The following RGS18 variants were observed in gnomAD, a reference collection of about 807,000 sequenced individuals.
RGS18 encodes the protein regulator of G protein signaling 18.
A neutral mutation model predicts 27.6 loss-of-function variants in RGS18; 22 were observed. The ratio of observed to expected loss-of-function variants is 0.80; its 90% CI spans 0.57 to 1.14. RGS18 has a LOEUF of 1.14. Ranked by LOEUF, RGS18 falls within the 50% of genes most tolerant of loss-of-function variation. The pLI is 0.00. For synonymous variants in RGS18, 89 were observed against 84.6 expected (o/e 1.05, Z -0.29); for missense variants, 299 against 269.6 (o/e 1.11, Z -0.76).
chr1:192,163,869 A>AT (rs67421126), intron 3 of RGS18, among the ~76,000 whole-genome samples: 37 of 137,520 alleles, frequency 2.7e-4, no homozygotes, highest in African/African-American at 8.3e-4. Flanking sequence ...ATATATATAT[A>AT]TTTTTTTTTT....
intron 3 of RGS18, among the ~76,000 whole-genome samples, chr1:192,170,465 C>T (rs998775204): frequency 1.3e-5 from 2 of 152,028 alleles, no homozygotes; most frequent in Non-Finnish European, 2.9e-5. Context: ...TGCCTTCCTC[C>T]GTGAGTAAAA....
Position 192,184,750 on chromosome 1 carries a change from T to C in RGS18, c.*196T>C. ...CAGTATATTCTGTAAAACCTTCTAT[T>C]TGATGTCATTCCATTTATAATCAGA... On this transcript the variant is annotated 3_prime_UTR_variant, in exon 5 of 5. Coordinates refer to ENST00000367460, the MANE Select transcript of RGS18 (RefSeq NM_130782.3). The C allele has an allele frequency of 2.0e-6, 1 of 506,766 alleles. No homozygotes were observed. The highest frequency in any genetic ancestry group is 3.5e-6 in the Non-Finnish European group (1 of 288,052). 31.4% of individuals were successfully genotyped at this position (506,766 alleles called of 1,614,324 possible).
At chr1:192,163,129 G>A (rs900663547) in intron 3 of RGS18, among the ~76,000 whole-genome samples, 7 of 152,104 alleles carry the variant, frequency 4.6e-5, no homozygotes, top group African/African-American at 1.7e-4. Context: ...AATGTTTTTA[G>A]CTCCAACAGA....
At position 192,159,284 on chromosome 1, in the gene RGS18, C is replaced by G. The variant is rs767577887; in HGVS notation, c.184C>G (p.Arg62Gly). ...VQKPEFHEDT[R>G]SSRSGHLAKE... is the part of the protein sequence containing the mutation. ...GAAACCTGAGTTTCATGAAGACACCCGCTCCAGTAGATCTGGGCACTTGGC... is the reference window on the plus strand; with the variant it reads ...GAAACCTGAGTTTCATGAAGACACCGGCTCCAGTAGATCTGGGCACTTGGC... Residue 62 changes from arginine to glycine, a missense_variant, in exon 2 of 5, where the codon CGC becomes GGC. Physicochemically the swap from Arg to Gly is moderately radical, Grantham distance 125. Transcript: ENST00000367460. 1.2e-6 allele frequency: 2 copies of G among 1,613,392 alleles called. No homozygotes were observed. Among genetic ancestry groups the G allele is most frequent in the Non-Finnish European group, 8.5e-7 (1 of 1,179,454 alleles).
intron 2 of RGS18, among the ~76,000 whole-genome samples, chr1:192,159,885 T>C (rs972526597): frequency 1.3e-5 from 2 of 152,216 alleles, no homozygotes; most frequent in South Asian, 4.1e-4. Flanking sequence ...TATTAAAATA[T>C]CTTATATTTC....
At chr1:192,175,660 C>A (rs1324280738) in intron 3 of RGS18, among the ~76,000 whole-genome samples, 4 of 151,866 alleles carry the variant, frequency 2.6e-5, no homozygotes, top group African/African-American at 9.7e-5. Flanking sequence ...CCCATAGCAT[C>A]TGTCTTCTTC....
Position 192,184,808 on chromosome 1 carries a change from CA to C in RGS18, c.*261del, listed in dbSNP as rs988171227. 4.5e-5 allele frequency: 17 copies of C among 376,420 alleles called. No individual in the cohort carries two copies. Among genetic ancestry groups the C allele is most frequent in the East Asian group, 2.7e-4 (6 of 22,148 alleles). The allele number at this position is 376,420 out of a possible 1,614,324, so 23.3% of individuals were successfully genotyped here. On this transcript the variant is annotated 3_prime_UTR_variant, in exon 5 of 5. Transcript: ENST00000367460. Reference sequence around the variant, plus strand: ...CTTATTTCTTAATCAAAAGGCAGTACAAAAAAAGTAATAATGTTTTATAAGA... The same window carrying C: ...CTTATTTCTTAATCAAAAGGCAGTACAAAAAAGTAATAATGTTTTATAAGA...
At chr1:192,177,734 A>T (rs898041624) in intron 3 of RGS18, among the ~76,000 whole-genome samples, 17 of 151,754 alleles carry the variant, frequency 1.1e-4, no homozygotes, top group Non-Finnish European at 2.2e-4. Context: ...ATGGATTTAG[A>T]ATAGGAAGGG....
intron 1 of RGS18, 87 bp from the exon 2 acceptor site, chr1:192,159,133 T>C (rs1045563965): frequency 6.8e-6 from 6 of 880,098 alleles, no homozygotes; most frequent in Middle Eastern, 4.4e-4. Flanking sequence ...CGTGGGTTTT[T>C]ACCAACTACA....
At chr1:192,159,038 A>C (rs1656023461) in intron 1 of RGS18, among the ~76,000 whole-genome samples, 182 bp from the exon 2 acceptor site, 1 of 152,154 alleles carries the variant, frequency 6.6e-6, no homozygotes, top group Non-Finnish European at 1.5e-5. Flanking sequence ...GGTGAGCAAA[A>C]GGAGAAACAT....
chr1:192,178,117 T>G (rs766228085), intron 3 of RGS18, among the ~76,000 whole-genome samples: 2 of 151,666 alleles, frequency 1.3e-5, no homozygotes, highest in Admixed American at 6.6e-5. Context: ...GGGGAATTTT[T>G]TTTTAAGATT....
rs1656028691 is a variant in RGS18, at chr1:192,159,276, A to T, written c.176A>T (p.Glu59Val). The change falls in exon 2 of 5, where the codon GAA becomes GTA. Residue 59 changes from glutamate to valine, a missense_variant. By Grantham distance (121) the Glu-to-Val change is moderately radical. Transcript: ENST00000367460. ...SLLVQKPEFH[E>V]DTRSSRSGHL... The stretch of plus-strand genomic sequence containing the variant: ...CTTGTGCAGAAACCTGAGTTTCATG[A>T]AGACACCCGCTCCAGTAGATCTGGG... The T allele has an allele frequency of 6.2e-7, 1 of 1,613,712 alleles. No individual in the cohort carries two copies. The highest frequency in any genetic ancestry group is 1.7e-5 in the Admixed American group (1 of 60,006).
intron 3 of RGS18, 70 bp downstream of exon 3, chr1:192,160,509 C>A: frequency 8.7e-7 from 1 of 1,144,272 alleles, no homozygotes; most frequent in South Asian, 1.4e-5. Flanking sequence ...ATGTAATTAT[C>A]CGAAACAATA....
intron 2 of RGS18, among the ~76,000 whole-genome samples, chr1:192,159,830 T>C (rs1161251702): frequency 2.6e-5 from 4 of 152,044 alleles, no homozygotes; most frequent in Non-Finnish European, 2.9e-5. Context: ...TCCGAGAAAA[T>C]ATATTCAATT....
intron 3 of RGS18, among the ~76,000 whole-genome samples, chr1:192,175,152 A>C (rs1041479178): frequency 1.3e-5 from 2 of 151,622 alleles, no homozygotes; most frequent in Admixed American, 1.3e-4. Context: ...TCATAGTTTA[A>C]ATTTTGTCTT....
chr1:192,159,836 C>A (rs994411185), intron 2 of RGS18, among the ~76,000 whole-genome samples: 2 of 151,934 alleles, frequency 1.3e-5, no homozygotes, highest in Admixed American at 6.6e-5. Context: ...AAAATATATT[C>A]AATTCTCCAC....
At position 192,160,410 on chromosome 1, in the gene RGS18, A is replaced by G. The variant is rs1656049966; in HGVS notation, c.254A>G (p.Glu85Gly). ...CCTGAAGAGGCAGTGAAATGGGGTG[A>G]ATCATTTGACAAACTGCTTTCCCAT... ...VSPEEAVKWG[E>G]SFDKLLSHRD... The change falls in exon 3 of 5, where the codon GAA becomes GGA. Residue 85 changes from glutamate (E) to glycine (G), a missense_variant. Glu to Gly is a moderately conservative substitution (Grantham distance 98, BLOSUM62 -2). Coordinates refer to ENST00000367460, the MANE Select transcript of RGS18 (RefSeq NM_130782.3). 6.2e-7 allele frequency: 1 copy of G among 1,612,402 alleles called. No individual in the cohort carries two copies. Among genetic ancestry groups the G allele is most frequent in the Non-Finnish European group, 8.5e-7 (1 of 1,178,732 alleles).
intron 3 of RGS18, among the ~76,000 whole-genome samples, chr1:192,173,184 T>C (rs1001942556): frequency 3.9e-4 from 59 of 151,956 alleles, no homozygotes; most frequent in African/African-American, 1.3e-3. Flanking sequence ...TAGACAGCTG[T>C]AAACATTTAA....
At position 192,184,695 on chromosome 1, in the gene RGS18, T is replaced by C; in HGVS notation, c.*141T>C. On this transcript the variant is annotated 3_prime_UTR_variant, in exon 5 of 5. Transcript: ENST00000367460. ...ATTTTAAAAATGTAAAAACAAAACT[T>C]TCTGCTAACAAAATACATACAGTAT... 1.3e-6 allele frequency: 1 copy of C among 782,600 alleles called. No homozygotes were observed. Among genetic ancestry groups the C allele is most frequent in the South Asian group, 1.9e-5 (1 of 52,138 alleles). The allele number at this position is 782,600 out of a possible 1,614,324, so 48.5% of individuals were successfully genotyped here.
Sources: gnomAD v4.1 joint callset for allele counts (sites outside exome capture counted in the v4.1 genomes callset) on GRCh38, gnomAD v4.1.1 for gene constraint, MANE v1.5 for transcripts, NCBI Gene and HGNC (gene_info 2026-07-23, HGNC 2026-07-21) for gene names.